Variants in SUPT3H observed in about 807,000 individuals in gnomAD.
The protein encoded by SUPT3H is SPT3 homolog, SAGA and STAGA complex component, also known as transcription initiation protein SPT3 homolog.
In SUPT3H, 44 loss-of-function variants were observed where a neutral mutation model predicts 44.3. The observed-to-expected ratio is 0.99, with a 90% CI of 0.78 to 1.28. The LOEUF is 1.28. Ranked by LOEUF, SUPT3H falls within the 50% of genes most tolerant of loss-of-function variation. The pLI, the probability that SUPT3H is intolerant of heterozygous loss-of-function variation, is 0.00. For missense variants in SUPT3H, 380 were observed against 387.1 expected (o/e 0.98, Z 0.15); for synonymous variants, 124 against 125.6 (o/e 0.99, Z 0.09).
chr6:44,957,668 C>T (rs1379134524), intron 7 of SUPT3H, among the ~76,000 whole-genome samples: 2 of 151,862 alleles, frequency 1.3e-5, no homozygotes, highest in East Asian at 3.9e-4. Flanking sequence ...AGATTGTAAC[C>T]ACCGAGAATG....
intron 2 of SUPT3H, among the ~76,000 whole-genome samples, chr6:45,245,989 A>C (rs1411658355): frequency 6.6e-6 from 1 of 152,044 alleles, no homozygotes; most frequent in Non-Finnish European, 1.5e-5. Context: ...ATGGTAACTC[A>C]TTGTGGTTTT....
At chr6:45,071,557 T>C (rs1206641489) in intron 3 of SUPT3H, among the ~76,000 whole-genome samples, 1 of 152,126 alleles carries the variant, frequency 6.6e-6, no homozygotes, top group Non-Finnish European at 1.5e-5. Flanking sequence ...ATATTATATG[T>C]TCACATGTCA....
chr6:44,829,105 G>A lies in SUPT3H; in HGVS notation c.*711C>T, dbSNP rs1404569992. 1 of 152,528 alleles carries A rather than the reference G, an allele frequency of 6.6e-6. No individual in the cohort carries two copies. The highest frequency in any genetic ancestry group is 2.4e-5 in the African/African-American group (1 of 41,458). The allele number at this position is 152,528 out of a possible 1,614,324, so 9.4% of individuals were successfully genotyped here. On this transcript the variant is annotated 3_prime_UTR_variant, in exon 11 of 11. Transcript: ENST00000371459. ...CTTGGCTTCTAAATGTGTATGGCAT[G>A]TGCAGGAGTGGTGGATCTGGGGATT...
intron 2 of SUPT3H, among the ~76,000 whole-genome samples, chr6:45,169,991 G>C (rs186470187): frequency 1.9e-4 from 29 of 152,246 alleles, no homozygotes; most frequent in Non-Finnish European, 3.5e-4. Flanking sequence ...ACAGCCCCAG[G>C]GGGTGGGAAT....
rs191543389 is a variant in SUPT3H at position 44,835,275 on chromosome 6, C to T, written c.913-5418G>A. Among the ~76,000 whole-genome samples, 319 of 151,964 alleles carry T rather than the reference C, an allele frequency of 2.1e-3. 1 individual carries two copies. Among genetic ancestry groups the T allele is most frequent in the African/African-American group, 6.9e-3 (286 of 41,444 alleles). ...GGGTTAAATCAAGCAGTAAAAGGGACGATAAAAAAGATTTGGAGCATACAT... is the reference window on the plus strand; with the variant it reads ...GGGTTAAATCAAGCAGTAAAAGGGATGATAAAAAAGATTTGGAGCATACAT... On this transcript the variant is annotated intron_variant, in intron 10 of 10. Coordinates refer to ENST00000371459, the MANE Select transcript of SUPT3H (RefSeq NM_003599.4).
At chr6:45,223,148 T>C (rs933762519) in intron 2 of SUPT3H, among the ~76,000 whole-genome samples, 2 of 152,020 alleles carry the variant, frequency 1.3e-5, no homozygotes, top group East Asian at 1.9e-4. Flanking sequence ...AGTAGATACA[T>C]GAAACCGTAT....
chr6:45,118,572 T>G (rs1007151842), intron 2 of SUPT3H, among the ~76,000 whole-genome samples: 10 of 152,144 alleles, frequency 6.6e-5, no homozygotes, highest in Non-Finnish European at 1.5e-4. Flanking sequence ...TATGGACAGC[T>G]GACCACACAA....
At chr6:44,894,568 T>C (rs941576747) in intron 10 of SUPT3H, among the ~76,000 whole-genome samples, 7 of 152,158 alleles carry the variant, frequency 4.6e-5, no homozygotes, top group South Asian at 2.1e-4. Context: ...TCTGTTCTGT[T>C]CTATTGATGT....
intron 2 of SUPT3H, among the ~76,000 whole-genome samples, chr6:45,116,352 T>TTC (rs565499828): frequency 6.6e-6 from 1 of 152,042 alleles, no homozygotes; most frequent in African/African-American, 2.4e-5. Context: ...CTGCGCACGT[T>TTC]TCTCTCTCTC....
chr6:45,165,923 T>C (rs1397036533), intron 2 of SUPT3H, among the ~76,000 whole-genome samples: 3 of 152,122 alleles, frequency 2.0e-5, no homozygotes, highest in African/African-American at 7.2e-5. Context: ...AAGATGCATA[T>C]TGGAGGAAAA....
intron 2 of SUPT3H, among the ~76,000 whole-genome samples, chr6:45,146,591 T>C (rs541523731): frequency 3.9e-5 from 6 of 152,124 alleles, no homozygotes; most frequent in Admixed American, 6.6e-5. Flanking sequence ...AAAAATAAAA[T>C]AGATATTTTG....
chr6:44,884,564 A>T (rs1778814557), intron 10 of SUPT3H, among the ~76,000 whole-genome samples: 1 of 152,204 alleles, frequency 6.6e-6, no homozygotes, highest in Admixed American at 6.5e-5. Flanking sequence ...ACTACTCACA[A>T]TAGCAAAGAC....
chr6:45,118,811 C>T lies in SUPT3H; in HGVS notation c.102-12805G>A, dbSNP rs73737900. Reference sequence around the variant, plus strand: ...CCATTGCCAAGTAACTTTAAGTAGCCCTGCACTATAACCCTGAGCTCAACC... The same window carrying T: ...CCATTGCCAAGTAACTTTAAGTAGCTCTGCACTATAACCCTGAGCTCAACC... On this transcript the variant is annotated intron_variant, in intron 2 of 10. Coordinates refer to ENST00000371459, the MANE Select transcript of SUPT3H (RefSeq NM_003599.4). Among the ~76,000 whole-genome samples, 590 of 152,208 alleles carry T rather than the reference C, an allele frequency of 3.9e-3. 7 individuals are homozygous for T. The highest frequency in any genetic ancestry group is 0.014 in the African/African-American group (562 of 41,532).
At position 45,230,660 on chromosome 6, in the gene SUPT3H, G is replaced by GCATATA. The variant is rs765270979; in HGVS notation, c.102-124655_102-124654insTATATG. On this transcript the variant is annotated intron_variant, in intron 2 of 10. Transcript: ENST00000371459. ...TGAAATCATGTTTTAAATTCATTCA[G>GCATATA]TCTATATATATATATATATATATAT... Among the ~76,000 whole-genome samples the GCATATA allele has an allele frequency of 3.3e-3, 167 of 51,088 alleles. 25 individuals are homozygous for GCATATA. The highest frequency in any genetic ancestry group is 5.4e-3 in the Admixed American group (25 of 4,650). 33.5% of individuals were successfully genotyped at this position (51,088 alleles called of 152,430 possible).
chr6:45,050,878 A>ATTTTTTTTTTTTTT (rs35575281), intron 3 of SUPT3H, among the ~76,000 whole-genome samples: 2 of 86,164 alleles, frequency 2.3e-5, no homozygotes, highest in Non-Finnish European at 4.3e-5. Flanking sequence ...AGGGTATGGG[A>ATTTTTTTTTTTTTT]TTTTTTTTTT....
intron 2 of SUPT3H, among the ~76,000 whole-genome samples, chr6:45,240,009 C>T (rs989336615): frequency 2.6e-5 from 4 of 152,142 alleles, no homozygotes; most frequent in African/African-American, 9.7e-5. Flanking sequence ...AGAAGCAGAA[C>T]AACTGGTTTG....
At chr6:45,017,501 C>G (rs1016220350) in intron 4 of SUPT3H, among the ~76,000 whole-genome samples, 1 of 151,972 alleles carries the variant, frequency 6.6e-6, no homozygotes. Context: ...AGTCTTTAAT[C>G]CATCTTGAAT....
chr6:44,856,463 ACAGTTT>A, intron 10 of SUPT3H, among the ~76,000 whole-genome samples: 1 of 152,244 alleles, frequency 6.6e-6, no homozygotes, highest in Non-Finnish European at 1.5e-5. Context: ...ATGAAAATAA[ACAGTTT>A]CAAGTATTTG....
intron 10 of SUPT3H, among the ~76,000 whole-genome samples, chr6:44,903,980 G>A (rs1030031485): frequency 6.6e-5 from 10 of 152,044 alleles, no homozygotes; most frequent in Admixed American, 2.6e-4. Context: ...AAATTCAACA[G>A]CCCTTCATCC....
Sources: allele counts gnomAD v4.1 joint callset (sites outside exome capture counted in the v4.1 genomes callset), GRCh38; gene constraint gnomAD v4.1.1; transcripts MANE v1.5; gene names NCBI Gene and HGNC (gene_info 2026-07-23, HGNC 2026-07-21).